ZNF423: variants seen among roughly 807,000 people sequenced by gnomAD.
ZNF423 encodes the protein Ebf-associated zinc finger protein.
ZNF423 carries 12 observed loss-of-function variants against 95.8 expected under a neutral mutation model. That is an observed-to-expected ratio of 0.13 (90% confidence interval 0.08 to 0.20). The LOEUF (loss-of-function observed/expected upper bound fraction) is 0.20. ZNF423 is among the 10% of genes least tolerant of loss of function. The probability of loss-of-function intolerance (pLI) is 1.00; values close to 1 mark genes in which losing one functional copy is unlikely to be tolerated. For missense variants in ZNF423, 1,316 were observed against 1,737.1 expected (o/e 0.76, Z 4.31); for synonymous variants, 749 against 711.9 (o/e 1.05, Z -0.83).
chr16:49,671,460 G>C (rs1189004280), intron 3 of ZNF423, among the ~76,000 whole-genome samples: 1 of 152,330 alleles, frequency 6.6e-6, no homozygotes, highest in South Asian at 2.1e-4. Context: ...CTCCAGCCAA[G>C]AGGAATAGCA....
chr16:49,531,717 T>C (rs1041610216), intron 5 of ZNF423, among the ~76,000 whole-genome samples: 1 of 152,110 alleles, frequency 6.6e-6, no homozygotes, highest in Non-Finnish European at 1.5e-5. Flanking sequence ...ACCAGGGTCA[T>C]AGGAGAACTC....
intron 6 of ZNF423, 48 bp from the exon 7 acceptor site, chr16:49,523,787 G>C: frequency 6.6e-7 from 1 of 1,510,516 alleles, no homozygotes; most frequent in South Asian, 1.1e-5. Flanking sequence ...CACCAGCCCA[G>C]CCTCCTGTGG....
intron 3 of ZNF423, among the ~76,000 whole-genome samples, chr16:49,645,627 G>A (rs1015905505): frequency 1.3e-5 from 2 of 152,148 alleles, no homozygotes; most frequent in Non-Finnish European, 2.9e-5. Flanking sequence ...AAATCCTGTT[G>A]GTCACAGAGA....
intron 2 of ZNF423, among the ~76,000 whole-genome samples, chr16:49,763,894 G>A (rs1023453629): frequency 6.6e-6 from 1 of 152,138 alleles, no homozygotes; most frequent in African/African-American, 2.4e-5. Context: ...CTCGTTTAAG[G>A]TTTAAAGCAT....
intron 7 of ZNF423, among the ~76,000 whole-genome samples, chr16:49,510,201 G>A (rs1307393790): frequency 6.6e-6 from 1 of 152,172 alleles, no homozygotes; most frequent in Non-Finnish European, 1.5e-5. Flanking sequence ...CACCATGCTC[G>A]ATGATCTACA....
At chr16:49,702,807 GC>G (rs2032227168) in intron 3 of ZNF423, among the ~76,000 whole-genome samples, 1 of 152,158 alleles carries the variant, frequency 6.6e-6, no homozygotes, top group African/African-American at 2.4e-5. Flanking sequence ...CTCACCCACA[GC>G]CCCACACGCT....
intron 1 of ZNF423, among the ~76,000 whole-genome samples, chr16:49,827,351 A>T (rs2035015703): frequency 6.6e-6 from 1 of 151,508 alleles, no homozygotes; most frequent in South Asian, 2.1e-4. Flanking sequence ...AACTGTATAC[A>T]TTTCACTTCC....
At chr16:49,514,246 GCA>G (rs757863199) in intron 7 of ZNF423, among the ~76,000 whole-genome samples, 2,867 of 139,010 alleles carry the variant, frequency 0.021, 78 homozygotes, top group African/African-American at 0.071. Context: ...ACACGCACAC[GCA>G]CACACACACA....
chr16:49,491,455 G>A (rs1966958809), intron 7 of ZNF423, 151 bp from the exon 8 acceptor site: 4 of 942,762 alleles, frequency 4.2e-6, no homozygotes, highest in Non-Finnish European at 4.9e-6. Context: ...CTCCAGGGAC[G>A]CAGCTGCCAA....
chr16:49,725,896 G>C (rs2033000463), intron 3 of ZNF423, among the ~76,000 whole-genome samples: 1 of 152,226 alleles, frequency 6.6e-6, no homozygotes, highest in African/African-American at 2.4e-5. Flanking sequence ...GCCCAACTCA[G>C]AGATCAGGGA....
rs368526006 is a variant in ZNF423 at position 49,575,857 on chromosome 16, G to T, written c.3601+50313C>A. Among the ~76,000 whole-genome samples the T allele has an allele frequency of 1.6e-4, 24 of 152,104 alleles. No individual in the cohort carries two copies. The East Asian group carries it at 3.9e-3, about 25-fold the overall frequency. ...ACACTGCAGATGGTGTAGGTCACTG[G>T]CCCACACTTGGAGGAGCCTGAAGGA... On this transcript the variant is annotated intron_variant, in intron 5 of 7. Transcript: ENST00000563137.
At chr16:49,838,462 C>A (rs954661726) in intron 1 of ZNF423, among the ~76,000 whole-genome samples, 3 of 152,206 alleles carry the variant, frequency 2.0e-5, no homozygotes, top group South Asian at 2.1e-4. Flanking sequence ...GTGCGCTCAG[C>A]GGCATTACGT....
At chr16:49,696,769 C>G (rs141726350) in intron 3 of ZNF423, among the ~76,000 whole-genome samples, 6 of 152,184 alleles carry the variant, frequency 3.9e-5, no homozygotes, top group Admixed American at 2.0e-4. Flanking sequence ...AAGCCCCCCC[C>G]ACCCAGGGTG....
At chr16:49,552,449 C>T (rs770626572) in intron 5 of ZNF423, among the ~76,000 whole-genome samples, 9 of 152,158 alleles carry the variant, frequency 5.9e-5, no homozygotes, top group Non-Finnish European at 1.2e-4. Context: ...AAGGGGCCAG[C>T]GCAGCCCCTG....
chr16:49,784,533 C>T (rs1207090807), intron 2 of ZNF423, among the ~76,000 whole-genome samples: 2 of 152,180 alleles, frequency 1.3e-5, no homozygotes, highest in Non-Finnish European at 2.9e-5. Flanking sequence ...GGACAGACAC[C>T]TCCTATAATA....
At position 49,705,839 on chromosome 16, in the gene ZNF423, C is replaced by T. The variant is rs11864251; in HGVS notation, c.301+24932G>A. The stretch of plus-strand genomic sequence containing the variant: ...CTGGGATTACAGGCATGAGCCACTG[C>T]GCCCGGCCCCACAGTAAGTTTATAT... On this transcript the variant is annotated intron_variant, in intron 3 of 7. Coordinates refer to ENST00000563137, the MANE Select transcript of ZNF423 (RefSeq NM_001379286.1). Among the ~76,000 whole-genome samples the T allele has an allele frequency of 9.0e-3, 1,378 of 152,302 alleles. 30 individuals carry two copies. The highest frequency in any genetic ancestry group is 0.031 in the African/African-American group (1,297 of 41,560).
intron 3 of ZNF423, among the ~76,000 whole-genome samples, chr16:49,678,288 G>A (rs1381941041): frequency 7.7e-6 from 1 of 129,048 alleles, no homozygotes; most frequent in African/African-American, 2.8e-5. Context: ...TTAGACAACT[G>A]TGAGGTTTTT....
At chr16:49,798,692 G>A (rs967167787) in intron 1 of ZNF423, among the ~76,000 whole-genome samples, 5 of 152,114 alleles carry the variant, frequency 3.3e-5, no homozygotes, top group African/African-American at 1.2e-4. Context: ...ATGGTCAGTG[G>A]GTCTCCACGT....
At chr16:49,706,573 G>A (rs1412372179) in intron 3 of ZNF423, among the ~76,000 whole-genome samples, 1 of 152,254 alleles carries the variant, frequency 6.6e-6, no homozygotes, top group Non-Finnish European at 1.5e-5. Flanking sequence ...CCACTGGTGG[G>A]ATGGCTGCCA....
Sources: gnomAD v4.1 joint callset for allele counts (sites outside exome capture counted in the v4.1 genomes callset) on GRCh38, gnomAD v4.1.1 for gene constraint, MANE v1.5 for transcripts, NCBI Gene and HGNC (gene_info 2026-07-23, HGNC 2026-07-21) for gene names.